The following CNOT4 variants were observed in gnomAD, a reference collection of about 807,000 sequenced individuals.
CNOT4 encodes CCR4-NOT transcription complex subunit 4.
A neutral mutation model predicts 73.8 loss-of-function variants in CNOT4; 8 were observed. The ratio of observed to expected loss-of-function variants is 0.11; its 90% CI spans 0.06 to 0.20. CNOT4 has a LOEUF of 0.20. Ranked by LOEUF, CNOT4 falls within the 10% of genes least tolerant of loss-of-function variation. The pLI is 1.00. For synonymous variants in CNOT4, 293 were observed against 321.1 expected (o/e 0.91, Z 0.94); for missense variants, 564 against 883.4 (o/e 0.64, Z 4.58).
At chr7:135,426,306 A>G (rs1476822384) in intron 2 of CNOT4, among the ~76,000 whole-genome samples, 2 of 151,932 alleles carry the variant, frequency 1.3e-5, no homozygotes, top group Non-Finnish European at 2.9e-5. Context: ...AAATGGATAT[A>G]AAGAAAAATA....
chr7:135,397,572 A>G (rs1387774487), intron 8 of CNOT4, among the ~76,000 whole-genome samples: 1 of 151,722 alleles, frequency 6.6e-6, no homozygotes. Flanking sequence ...CCAATGTAAG[A>G]AGATGTATAG....
At chr7:135,373,953 G>A (rs1795368628) in intron 10 of CNOT4, among the ~76,000 whole-genome samples, 1 of 152,158 alleles carries the variant, frequency 6.6e-6, no homozygotes, top group African/African-American at 2.4e-5. Flanking sequence ...AATATGATGG[G>A]TTTATCAACC....
At chr7:135,367,232 C>T (rs995185332) in intron 10 of CNOT4, among the ~76,000 whole-genome samples, 1 of 152,114 alleles carries the variant, frequency 6.6e-6, no homozygotes, top group Non-Finnish European at 1.5e-5. Context: ...GCTTCCAGGG[C>T]TCTTATATGA....
chr7:135,384,339 C>T, intron 10 of CNOT4: 1 of 216,656 alleles, frequency 4.6e-6, no homozygotes, highest in Non-Finnish European at 9.2e-6. Flanking sequence ...GGCTGGAGCA[C>T]AGTGGCACCA....
In CNOT4 at chr7:135,456,531, C is replaced by T. The variant is rs909747657; in HGVS notation, c.-92-18108G>A. On this transcript the variant is annotated intron_variant, in intron 1 of 11. Transcript: ENST00000541284. ...TATAATATGAAATATAATCATCCGT[C>T]GGTATCATTGGAGGACTTGTTCCAG... Among the ~76,000 whole-genome samples, 8 of 151,976 alleles carry T rather than the reference C, an allele frequency of 5.3e-5. 1 individual carries two copies. Among genetic ancestry groups the T allele is most frequent in the Non-Finnish European group, 7.4e-5 (5 of 67,962 alleles).
chr7:135,484,074 A>G (rs1477354692), intron 1 of CNOT4, among the ~76,000 whole-genome samples: 1 of 152,146 alleles, frequency 6.6e-6, no homozygotes, highest in Non-Finnish European at 1.5e-5. Context: ...AGGCGCCTAT[A>G]GTACCAGTTA....
Position 135,394,168 on chromosome 7 carries a change from A to G in CNOT4, c.1377T>C (p.Ala459=), listed in dbSNP as rs200312169. ...PGSGFLHPAA[A]TNANSLNSTF... The stretch of plus-strand genomic sequence containing the variant: ...TACTATTGAGAGAATTGGCATTTGT[A>G]GCTGCAGCAGGATGCAGGAATCCAG... Residue 459 remains alanine, a synonymous_variant, in exon 10 of 12, where the codon GCT becomes GCC. Coordinates refer to ENST00000541284, the MANE Select transcript of CNOT4 (RefSeq NM_001190850.2). 4.5e-5 allele frequency: 73 copies of G among 1,614,208 alleles called. No individual in the cohort carries two copies. The African/African-American group carries it at 8.1e-4, about 18-fold the overall frequency.
At chr7:135,418,344 A>G (rs1797986250) in intron 3 of CNOT4, among the ~76,000 whole-genome samples, 1 of 152,236 alleles carries the variant, frequency 6.6e-6, no homozygotes. Context: ...CACATTATCT[A>G]TATACTCAAT....
intron 1 of CNOT4, among the ~76,000 whole-genome samples, chr7:135,455,882 A>T (rs989762202): frequency 6.6e-6 from 1 of 152,198 alleles, no homozygotes; most frequent in Admixed American, 6.5e-5. Context: ...ACAAACAAAC[A>T]AAAAAGACTA....
chr7:135,369,325 G>C (rs150366732), intron 10 of CNOT4, among the ~76,000 whole-genome samples: 1 of 152,172 alleles, frequency 6.6e-6, no homozygotes, highest in Non-Finnish European at 1.5e-5. Context: ...TGCCGTCTTG[G>C]AATTCCTGCC....
At chr7:135,509,174 G>C (rs1585754769) in intron 1 of CNOT4, 1 of 152,390 alleles carries the variant, frequency 6.6e-6, no homozygotes, top group East Asian at 1.9e-4. Context: ...AGGAAAGAGG[G>C]AAGGAACGGA....
chr7:135,380,683 T>C (rs1035486616), intron 10 of CNOT4, among the ~76,000 whole-genome samples: 2 of 152,232 alleles, frequency 1.3e-5, no homozygotes, highest in African/African-American at 2.4e-5. Flanking sequence ...TTCTGAATCT[T>C]AAAAGTTTTT....
chr7:135,414,676 C>T (rs1401777354), intron 4 of CNOT4, among the ~76,000 whole-genome samples: 3 of 151,724 alleles, frequency 2.0e-5, no homozygotes, highest in African/African-American at 7.3e-5. Flanking sequence ...ATTACTTTGG[C>T]TTGGGATTTA....
intron 1 of CNOT4, among the ~76,000 whole-genome samples, chr7:135,460,565 G>A (rs933093220): frequency 2.6e-5 from 4 of 152,100 alleles, no homozygotes. Context: ...CGTAGGTGCA[G>A]TTCCCGGCAT....
intron 10 of CNOT4, chr7:135,384,289 C>CTT: frequency 6.4e-6 from 1 of 155,778 alleles, no homozygotes; most frequent in Non-Finnish European, 1.4e-5. Flanking sequence ...CTCTCTCTCT[C>CTT]TTTTTTTTTT....
chr7:135,394,438 T>G, intron 9 of CNOT4, 23 bp from the exon 10 acceptor site: 1 of 1,557,932 alleles, frequency 6.4e-7, no homozygotes, highest in Non-Finnish European at 8.7e-7. Context: ...AAAATAGTGA[T>G]GAATATCAGA....
intron 6 of CNOT4, among the ~76,000 whole-genome samples, chr7:135,412,128 T>C (rs1280716858): frequency 6.6e-6 from 1 of 151,938 alleles, no homozygotes; most frequent in Admixed American, 6.6e-5. Context: ...ACATGAAAAG[T>C]CTTGAAAATT....
Position 135,431,766 on chromosome 7 carries a change from T to C in CNOT4, c.174+6392A>G, listed in dbSNP as rs537642365. The stretch of plus-strand genomic sequence containing the variant: ...CTCAAAAAAAAAAAGAAACATATCA[T>C]GGGCCATAGCTCAAAAACATAAAAT... On this transcript the variant is annotated intron_variant, in intron 2 of 11. Coordinates refer to ENST00000541284, the MANE Select transcript of CNOT4 (RefSeq NM_001190850.2). Among the ~76,000 whole-genome samples, 180 of 141,978 alleles carry C rather than the reference T, an allele frequency of 1.3e-3. 1 individual carries two copies. The highest frequency in any genetic ancestry group is 0.01 in the Middle Eastern group (3 of 286). 93.1% of individuals were successfully genotyped at this position (141,978 alleles called of 152,430 possible).
chr7:135,431,047 T>C (rs1484760229), intron 2 of CNOT4, among the ~76,000 whole-genome samples: 1 of 152,170 alleles, frequency 6.6e-6, no homozygotes, highest in African/African-American at 2.4e-5. Flanking sequence ...GGAAGGATGC[T>C]TGAGGCCAGG....
Sources: gnomAD v4.1 joint callset for allele counts (sites outside exome capture counted in the v4.1 genomes callset) on GRCh38, gnomAD v4.1.1 for gene constraint, MANE v1.5 for transcripts, NCBI Gene and HGNC (gene_info 2026-07-23, HGNC 2026-07-21) for gene names.